RBM15B: variants seen among roughly 807,000 people sequenced by gnomAD.
RBM15B encodes RNA binding motif protein 15B, also known as putative RNA-binding protein 15B.
RBM15B carries 11 observed loss-of-function variants against 53.3 expected under a neutral mutation model. That is an observed-to-expected ratio of 0.21 (90% CI 0.13 to 0.34). The LOEUF (loss-of-function observed/expected upper bound fraction) is 0.34, where lower values mean the gene tolerates loss of function less well. Among genes scored for constraint, RBM15B ranks in the 10% least tolerant of loss-of-function variants. RBM15B has a pLI of 1.00. For synonymous variants in RBM15B, 631 were observed against 540.7 expected (o/e 1.17, Z -2.32); for missense variants, 1,136 against 1,250.3 (o/e 0.91, Z 1.38).
Position 51,396,501 on chromosome 3 carries a change from AACTT to A in RBM15B, c.*2438_*2441del, listed in dbSNP as rs77288260. The A allele has an allele frequency of 0.11, 17,872 of 166,946 alleles. 1,932 individuals carry two copies. The highest frequency in any genetic ancestry group is 0.33 in the East Asian group (1,701 of 5,146). The allele number at this position is 166,946 out of a possible 1,614,324, so 10.3% of individuals were successfully genotyped here. ...TTTTATGAGACTGCCCCACTGAGAA[AACTT>A]ACTTACTTCAGGCATCCAGTGCCCC... On this transcript the variant is annotated 3_prime_UTR_variant, in exon 1 of 1. Transcript: ENST00000563281.
Position 51,391,577 on chromosome 3 carries a change from A to G in RBM15B, c.178A>G (p.Ser60Gly). ...PARARDKPRGSGSGGGGHRDG... is the reference protein window; with the variant it reads ...PARARDKPRGGGSGGGGHRDG... ...GCGGGCCCGCGACAAACCCCGCGGC[A>G]GCGGAAGCGGCGGGGGCGGGCATCG... Residue 60 changes from serine to glycine, a missense_variant, in exon 1 of 1, where the codon AGC (serine) becomes GGC (glycine). Coordinates refer to ENST00000563281, the MANE Select transcript of RBM15B (RefSeq NM_013286.5). This position sits in a 1 kb window ranked among gnomAD's most constrained non-coding sequence, Gnocchi z 4.5. 1 of 1,176,224 alleles carries G rather than the reference A, an allele frequency of 8.5e-7. No homozygotes were observed. 72.9% of individuals were successfully genotyped at this position (1,176,224 alleles called of 1,614,324 possible).
rs1577024128 is a variant in RBM15B at position 51,396,139 on chromosome 3, C to A, written c.*2067C>A. Reference sequence around the variant, plus strand: ...AAAACTTCTTCTCTGGGCTACCTATCTTCCTTCATGAAGCAGGTGCTCAGG... The same window carrying A: ...AAAACTTCTTCTCTGGGCTACCTATATTCCTTCATGAAGCAGGTGCTCAGG... On this transcript the variant is annotated 3_prime_UTR_variant, in exon 1 of 1. Transcript: ENST00000563281. 7.5e-6 allele frequency: 3 copies of A among 401,576 alleles called. No homozygotes were observed. In the East Asian group the frequency reaches 1.1e-4, roughly 15 times the overall value. 24.9% of individuals were successfully genotyped at this position (401,576 alleles called of 1,614,324 possible). A position where few individuals can be genotyped will look rare whatever the true frequency, so the allele number is the denominator to read the frequency against.
rs1299480758 is a variant in RBM15B at position 51,395,815 on chromosome 3, A to G, written c.*1743A>G. On this transcript the variant is annotated 3_prime_UTR_variant, in exon 1 of 1. Coordinates refer to ENST00000563281, the MANE Select transcript of RBM15B (RefSeq NM_013286.5). The stretch of plus-strand genomic sequence containing the variant: ...TAGACCCCTCGGTGATGTGGAATGG[A>G]CAGGTGCCTCGCAAGAGAGCAAGCA... The G allele has an allele frequency of 2.9e-5, 12 of 413,546 alleles. No homozygotes were observed. Among genetic ancestry groups the G allele is most frequent in the Middle Eastern group, 6.3e-4 (1 of 1,590 alleles). The allele number at this position is 413,546 out of a possible 1,614,324, so 25.6% of individuals were successfully genotyped here.
Position 51,395,522 on chromosome 3 carries a change from C to T in RBM15B, c.*1450C>T. On this transcript the variant is annotated 3_prime_UTR_variant, in exon 1 of 1. Coordinates refer to ENST00000563281, the MANE Select transcript of RBM15B (RefSeq NM_013286.5). ...TGTCACCATGGAACACCCCAAATGC[C>T]ATTCTTCAGCGTGTCTGGTACCTTG... 3.0e-6 allele frequency: 1 copy of T among 330,290 alleles called. No homozygotes were observed. 20.5% of individuals were successfully genotyped at this position (330,290 alleles called of 1,614,324 possible). A position where few individuals can be genotyped will look rare whatever the true frequency, so the allele number is the denominator to read the frequency against.
rs782222126 is a variant in RBM15B at position 51,392,044 on chromosome 3, G to A, written c.645G>A (p.Glu215=). 5.6e-6 allele frequency: 9 copies of A among 1,596,246 alleles called. No homozygotes were observed. The highest frequency in any genetic ancestry group is 7.6e-6 in the Non-Finnish European group (9 of 1,178,112). Residue 215 remains glutamate (E), a synonymous_variant, in exon 1 of 1, where the codon GAG becomes GAA. Transcript: ENST00000563281. This position sits in a 1 kb window ranked among gnomAD's most constrained non-coding sequence, Gnocchi z 7.5. The part of the protein sequence containing the change: ...LLLYDRPLKV[E]PVYLRGGGGS... Reference sequence around the variant, plus strand: ...TCTACGACCGCCCGCTCAAGGTAGAGCCCGTGTACCTGCGTGGCGGCGGCG... The same window carrying A: ...TCTACGACCGCCCGCTCAAGGTAGAACCCGTGTACCTGCGTGGCGGCGGCG...
rs782275316 is a variant in RBM15B, at chr3:51,393,633, G to A, written c.2234G>A (p.Gly745Glu). Reference protein sequence around the residue: ...TSMHILEGDQGVISSLLKDHT... With the variant: ...TSMHILEGDQEVISSLLKDHT... The stretch of plus-strand genomic sequence containing the variant: ...ATGCATATCCTAGAGGGGGACCAGG[G>A]GGTGATCAGCAGTCTCCTCAAAGAC... Residue 745 changes from glycine to glutamate, a missense_variant, in exon 1 of 1, where the codon GGG becomes GAG. Gly to Glu is a moderately conservative substitution (Grantham distance 98). This residue lies in a region of RBM15B where 578 missense variants were observed against 581.6 expected (regional missense o/e 0.99). Coordinates refer to ENST00000563281, the MANE Select transcript of RBM15B (RefSeq NM_013286.5). The surrounding 1 kb of genome is among the most constrained non-coding windows in gnomAD (Gnocchi z 5.6). The A allele has an allele frequency of 6.2e-7, 1 of 1,613,534 alleles. No homozygotes were observed. Among genetic ancestry groups the A allele is most frequent in the Non-Finnish European group, 8.5e-7 (1 of 1,179,700 alleles).
Position 51,391,740 on chromosome 3 carries a change from C to T in RBM15B, c.341C>T (p.Pro114Leu). 1 of 1,534,686 alleles carries T rather than the reference C, an allele frequency of 6.5e-7. No homozygotes were observed. Residue 114 changes from proline (P) to leucine (L), a missense_variant, in exon 1 of 1, where the codon CCT becomes CTT. Physicochemically the swap from Pro to Leu is moderately conservative, Grantham distance 98 (BLOSUM62 -3). Coordinates refer to ENST00000563281, the MANE Select transcript of RBM15B (RefSeq NM_013286.5). This position sits in a 1 kb window ranked among gnomAD's most constrained non-coding sequence, Gnocchi z 4.5. ...GASGMSPRAS[P>L]LPPPPPPPGA... ...TCCGGCATGTCGCCCCGCGCGTCTC[C>T]TCTGCCGCCGCCTCCGCCACCGCCT...
rs944140688 is a variant in RBM15B at position 51,397,189 on chromosome 3, T to C, written c.*3117T>C. The C allele has an allele frequency of 3.6e-5, 6 of 167,132 alleles. No individual in the cohort carries two copies. The Admixed American group carries it at 3.9e-4, about 11-fold the overall frequency. The allele number at this position is 167,132 out of a possible 1,614,324, so 10.4% of individuals were successfully genotyped here. On this transcript the variant is annotated 3_prime_UTR_variant, in exon 1 of 1. Transcript: ENST00000563281. Reference sequence around the variant, plus strand: ...ATGTAACAAACTGAGCAGCTGTTATTTGGGCAAAATCAAAGGAAGAAAGAG... The same window carrying C: ...ATGTAACAAACTGAGCAGCTGTTATCTGGGCAAAATCAAAGGAAGAAAGAG...
Position 51,394,290 on chromosome 3 carries a change from AT to A in RBM15B, c.*221del, listed in dbSNP as rs760871756. On this transcript the variant is annotated 3_prime_UTR_variant, in exon 1 of 1. Transcript: ENST00000563281. Reference sequence around the variant, plus strand: ...ATGAGAAGGGAATCCGGTTATGTTGATTTCTAGTGTACAAGATACTGTCTGC... The same window carrying A: ...ATGAGAAGGGAATCCGGTTATGTTGATTCTAGTGTACAAGATACTGTCTGC... 33 of 556,526 alleles carry A rather than the reference AT, an allele frequency of 5.9e-5. No individual in the cohort carries two copies. Among genetic ancestry groups the A allele is most frequent in the Non-Finnish European group, 8.5e-5 (31 of 362,680 alleles). The allele number at this position is 556,526 out of a possible 1,614,324, so 34.5% of individuals were successfully genotyped here.
chr3:51,391,799 G>A lies in RBM15B; in HGVS notation c.400G>A (p.Ala134Thr), dbSNP rs566998817. ...GCCCGCGTGTCCCGGCTCATCCGCGGCCGCGCCTGAGTACAAGACGTTGCT... is the reference window on the plus strand; with the variant it reads ...GCCCGCGTGTCCCGGCTCATCCGCGACCGCGCCTGAGTACAAGACGTTGCT... ...AEPACPGSSA[A>T]APEYKTLLIS... is the part of the protein sequence containing the mutation. The change falls in exon 1 of 1, where the codon GCC (alanine) becomes ACC (threonine). Residue 134 changes from alanine (A) to threonine (T), a missense_variant. Coordinates refer to ENST00000563281, the MANE Select transcript of RBM15B (RefSeq NM_013286.5). This position sits in a 1 kb window ranked among gnomAD's most constrained non-coding sequence, Gnocchi z 4.5. 9.2e-5 allele frequency: 146 copies of A among 1,593,008 alleles called. 1 individual carries two copies. In the South Asian group the frequency reaches 1.4e-3, roughly 16 times the overall value.
Position 51,392,674 on chromosome 3 carries a change from G to A in RBM15B, c.1275G>A (p.Leu425=), listed in dbSNP as rs1553621803. The A allele has an allele frequency of 1.2e-6, 2 of 1,614,080 alleles. No homozygotes were observed. Among genetic ancestry groups the A allele is most frequent in the Non-Finnish European group, 1.7e-6 (2 of 1,180,050 alleles). ...CCACTCGTCTCTGGGTGGGTGGCCTGGGACCTAACACGTCACTGGCGGCTC... is the reference window on the plus strand; with the variant it reads ...CCACTCGTCTCTGGGTGGGTGGCCTAGGACCTAACACGTCACTGGCGGCTC... ...NPTTRLWVGG[L]GPNTSLAALA... The change falls in exon 1 of 1, where the codon CTG becomes CTA. Residue 425 remains leucine, a synonymous_variant. Transcript: ENST00000563281. The surrounding 1 kb of genome is among the most constrained non-coding windows in gnomAD (Gnocchi z 7.5).
rs1255073769 is a variant in RBM15B at position 51,392,114 on chromosome 3, C to T, written c.715C>T (p.Pro239Ser). 8.4e-6 allele frequency: 13 copies of T among 1,541,688 alleles called. No individual in the cohort carries two copies. Among genetic ancestry groups the T allele is most frequent in the Non-Finnish European group, 1.1e-5 (13 of 1,150,194 alleles). ...CAGCAGCAGCGCCGCCGCTTCCACG[C>T]CTCCCCCAGGGCCGCCCGCGCCCGC... ...SSSSSAAASTPPPGPPAPADP... is the reference protein window; with the variant it reads ...SSSSSAAASTSPPGPPAPADP... The change falls in exon 1 of 1, where the codon CCT (proline) becomes TCT (serine). Residue 239 changes from proline (P) to serine (S), a missense_variant. Transcript: ENST00000563281. This position sits in a 1 kb window ranked among gnomAD's most constrained non-coding sequence, Gnocchi z 7.5.
rs2089038474 is a variant in RBM15B, at chr3:51,391,677, G to A, written c.278G>A (p.Gly93Glu). 1 of 1,217,040 alleles carries A rather than the reference G, an allele frequency of 8.2e-7. No homozygotes were observed. Among genetic ancestry groups the A allele is most frequent in the South Asian group, 4.0e-5 (1 of 25,120 alleles). The allele number at this position is 1,217,040 out of a possible 1,614,324, so 75.4% of individuals were successfully genotyped here. ...GRSSGSGAGG[G>E]GRGGKASGDP... ...TCCTCGGGCTCCGGCGCTGGCGGCG[G>A]GGGACGCGGCGGCAAGGCCTCGGGG... The change falls in exon 1 of 1, where the codon GGG becomes GAG. Residue 93 changes from glycine (G) to glutamate (E), a missense_variant. Gly to Glu is a moderately conservative substitution (Grantham distance 98, BLOSUM62 -2). Around this residue, in one of 7 missense-constraint regions of RBM15B, gnomAD observed 257 missense variants for 261.1 expected, o/e 0.98. Transcript: ENST00000563281. This position sits in a 1 kb window ranked among gnomAD's most constrained non-coding sequence, Gnocchi z 4.5.
In RBM15B at chr3:51,396,784, A is replaced by C. The variant is rs12637997; in HGVS notation, c.*2712A>C. Reference sequence around the variant, plus strand: ...CCCACAGAGACCTGTGGGTGCTCCCAGCAGAGTTGAGACTGGCTCCGTTGA... The same window carrying C: ...CCCACAGAGACCTGTGGGTGCTCCCCGCAGAGTTGAGACTGGCTCCGTTGA... On this transcript the variant is annotated 3_prime_UTR_variant, in exon 1 of 1. Coordinates refer to ENST00000563281, the MANE Select transcript of RBM15B (RefSeq NM_013286.5). 0.16 allele frequency: 26,910 copies of C among 167,156 alleles called. 2,539 individuals carry two copies. Among genetic ancestry groups the C allele is most frequent in the South Asian group, 0.34 (1,618 of 4,828 alleles). The allele number at this position is 167,156 out of a possible 1,614,324, so 10.4% of individuals were successfully genotyped here.
In RBM15B at chr3:51,392,958, A is replaced by C. The variant is rs1553621858; in HGVS notation, c.1559A>C (p.His520Pro). Reference protein sequence around the residue: ...YELLTDGYTRHRNLDADLVRD... With the variant: ...YELLTDGYTRPRNLDADLVRD... ...CTGCTCACAGATGGATACACCCGGC[A>C]CCGCAACCTGGACGCCGACCTGGTG... Residue 520 changes from histidine to proline, a missense_variant, in exon 1 of 1, where the codon CAC (histidine) becomes CCC (proline). By Grantham distance (77) the His-to-Pro change is moderately conservative. Around this residue, in one of 7 missense-constraint regions of RBM15B, gnomAD observed 578 missense variants for 581.6 expected, o/e 0.99. Coordinates refer to ENST00000563281, the MANE Select transcript of RBM15B (RefSeq NM_013286.5). The surrounding 1 kb of genome is among the most constrained non-coding windows in gnomAD (Gnocchi z 7.5). 6.2e-7 allele frequency: 1 copy of C among 1,613,666 alleles called. No homozygotes were observed.
chr3:51,392,015 C>G lies in RBM15B; in HGVS notation c.616C>G (p.Leu206Val). The G allele has an allele frequency of 3.1e-6, 5 of 1,597,794 alleles. No homozygotes were observed. The highest frequency in any genetic ancestry group is 4.2e-6 in the Non-Finnish European group (5 of 1,178,032). The change falls in exon 1 of 1, where the codon CTG becomes GTG. Residue 206 changes from leucine (L) to valine (V), a missense_variant. By Grantham distance (32) the Leu-to-Val change is conservative. This residue lies in a region of RBM15B where 204 missense variants were observed against 196.8 expected (regional missense o/e 1.04). Coordinates refer to ENST00000563281, the MANE Select transcript of RBM15B (RefSeq NM_013286.5). The surrounding 1 kb of genome is among the most constrained non-coding windows in gnomAD (Gnocchi z 7.5). Reference protein sequence around the residue: ...ARQHALARQLLLYDRPLKVEP... With the variant: ...ARQHALARQLVLYDRPLKVEP... Reference sequence around the variant, plus strand: ...CCAGCACGCCCTGGCCCGGCAGCTGCTGCTCTACGACCGCCCGCTCAAGGT... The same window carrying G: ...CCAGCACGCCCTGGCCCGGCAGCTGGTGCTCTACGACCGCCCGCTCAAGGT...
chr3:51,391,898 G>C lies in RBM15B; in HGVS notation c.499G>C (p.Gly167Arg). 1 of 1,603,692 alleles carries C rather than the reference G, an allele frequency of 6.2e-7. No individual in the cohort carries two copies. Among genetic ancestry groups the C allele is most frequent in the Non-Finnish European group, 8.5e-7 (1 of 1,179,372 alleles). The change falls in exon 1 of 1, where the codon GGC becomes CGC. Residue 167 changes from glycine (G) to arginine (R), a missense_variant. Physicochemically the swap from Gly to Arg is moderately radical, Grantham distance 125 (BLOSUM62 -2). Coordinates refer to ENST00000563281, the MANE Select transcript of RBM15B (RefSeq NM_013286.5). This position sits in a 1 kb window ranked among gnomAD's most constrained non-coding sequence, Gnocchi z 4.5. ...DRLFHQFKRF[G>R]EISLRLSHTP... ...GCTCTTCCACCAGTTCAAGCGCTTC[G>C]GCGAGATCAGCCTCCGCCTGTCGCA...
At position 51,395,469 on chromosome 3, in the gene RBM15B, C is replaced by G. The variant is rs762256031; in HGVS notation, c.*1397C>G. 4.5e-4 allele frequency: 106 copies of G among 236,310 alleles called. 1 individual carries two copies. Among genetic ancestry groups the G allele is most frequent in the African/African-American group, 2.2e-3 (99 of 44,308 alleles). The allele number at this position is 236,310 out of a possible 1,614,324, so 14.6% of individuals were successfully genotyped here. ...GGAAGGTACTGCGGACAGTGTGGGCCAGGGAGGAAAACCAGAGCACACAGT... is the reference window on the plus strand; with the variant it reads ...GGAAGGTACTGCGGACAGTGTGGGCGAGGGAGGAAAACCAGAGCACACAGT... On this transcript the variant is annotated 3_prime_UTR_variant, in exon 1 of 1. Transcript: ENST00000563281.
Position 51,392,131 on chromosome 3 carries a change from C to G in RBM15B, c.732C>G (p.Pro244=). ...AAASTPPPGP[P]APADPLGYLP... ...CTTCCACGCCTCCCCCAGGGCCGCC[C>G]GCGCCCGCCGACCCGCTCGGCTACC... is the stretch of plus-strand genomic sequence containing the variant. Residue 244 remains proline, a synonymous_variant, in exon 1 of 1, where the codon CCC becomes CCG. Coordinates refer to ENST00000563281, the MANE Select transcript of RBM15B (RefSeq NM_013286.5). The surrounding 1 kb of genome is among the most constrained non-coding windows in gnomAD (Gnocchi z 7.5). 2 of 1,535,814 alleles carry G rather than the reference C, an allele frequency of 1.3e-6. No individual in the cohort carries two copies. The highest frequency in any genetic ancestry group is 1.7e-6 in the Non-Finnish European group (2 of 1,146,756).
Sources: allele counts gnomAD v4.1 joint callset, GRCh38; gene constraint gnomAD v4.1.1; regional missense constraint gnomAD v4.1.1; non-coding constraint Gnocchi (gnomAD v3.1); transcripts MANE v1.5; gene names NCBI Gene and HGNC (gene_info 2026-07-23, HGNC 2026-07-21).